The following PTPRN2 variants were observed in gnomAD, a reference collection of about 807,000 sequenced individuals.
PTPRN2 encodes receptor-type tyrosine-protein phosphatase N2.
PTPRN2 carries 74 observed loss-of-function variants against 118.8 expected under a neutral mutation model. The ratio of observed to expected loss-of-function variants is 0.62; its 90% CI spans 0.52 to 0.76. The LOEUF is 0.76. Among genes scored for constraint, PTPRN2 ranks in the 30% least tolerant of loss-of-function variants. PTPRN2 has a pLI of 0.00. For missense variants in PTPRN2, 1,481 were observed against 1,394.4 expected, an observed-to-expected ratio of 1.06 and a Z score of -0.99; for synonymous variants, 641 against 608.0, an observed-to-expected ratio of 1.05 and a Z score of -0.80.
chr7:158,174,117 CAATTTATGTTCA>C (rs1823967330), intron 5 of PTPRN2, among the ~76,000 whole-genome samples: 1 of 152,118 alleles, frequency 6.6e-6, no homozygotes, highest in Non-Finnish European at 1.5e-5. Context: ...GAAATCTTCA[CAATTTATGTTCA>C]GAGACTGCAG....
chr7:158,085,164 C>CCACA (rs1369083369), intron 10 of PTPRN2, among the ~76,000 whole-genome samples: 1 of 131,974 alleles, frequency 7.6e-6, no homozygotes, highest in Non-Finnish European at 1.6e-5. Flanking sequence ...CGACGCCCAT[C>CCACA]CAGATACCCA....
chr7:158,392,790 G>A (rs1160165951), intron 2 of PTPRN2, among the ~76,000 whole-genome samples: 1 of 152,178 alleles, frequency 6.6e-6, no homozygotes, highest in African/African-American at 2.4e-5. Context: ...CTGCGGACAG[G>A]ACCATCCTGC....
rs115543758 is a variant in PTPRN2 at position 157,582,351 on chromosome 7, C to A, written c.2497-4211G>T. Among the ~76,000 whole-genome samples the A allele has an allele frequency of 3.2e-3, 482 of 152,238 alleles. 3 individuals are homozygous for A. Among genetic ancestry groups the A allele is most frequent in the African/African-American group, 0.011 (460 of 41,524 alleles). On this transcript the variant is annotated intron_variant, in intron 17 of 22. Transcript: ENST00000389418. ...TAAAAATGGGCAAGGGATCTGAGCA[C>A]ACATTTCTCCAAAGAAGACAGACAA...
intron 12 of PTPRN2, among the ~76,000 whole-genome samples, chr7:157,891,746 C>G (rs563399569): frequency 1.1e-4 from 16 of 152,192 alleles, no homozygotes; most frequent in Non-Finnish European, 2.2e-4. Context: ...AAGCCTGGAC[C>G]TTGCTGAGCC....
At chr7:158,542,756 G>A (rs1031433261) in intron 1 of PTPRN2, among the ~76,000 whole-genome samples, 1 of 152,176 alleles carries the variant, frequency 6.6e-6, no homozygotes, top group African/African-American at 2.4e-5. Flanking sequence ...ACATTGATGT[G>A]GGTCAACAGC....
At chr7:157,871,000 C>T (rs1445915496) in intron 12 of PTPRN2, among the ~76,000 whole-genome samples, 1 of 152,224 alleles carries the variant, frequency 6.6e-6, no homozygotes, top group Non-Finnish European at 1.5e-5. Context: ...TGAAATGTCC[C>T]CGACCTGAAG....
chr7:157,642,802 G>A (rs530882248), intron 14 of PTPRN2, among the ~76,000 whole-genome samples: 1 of 60,408 alleles, frequency 1.7e-5, no homozygotes, highest in East Asian at 6.2e-4. Context: ...GGTCTACCAA[G>A]TCAAGAAACA....
chr7:158,046,811 A>G (rs1808913189), intron 11 of PTPRN2, among the ~76,000 whole-genome samples: 1 of 152,294 alleles, frequency 6.6e-6, no homozygotes, highest in African/African-American at 2.4e-5. Context: ...TTTCTCAGCA[A>G]TAATCCCTCA....
In PTPRN2 at chr7:158,565,374, T is replaced by C. The variant is rs1209962846; in HGVS notation, c.112+22184A>G. Among the ~76,000 whole-genome samples the C allele has an allele frequency of 6.6e-6, 1 of 152,126 alleles. No individual in the cohort carries two copies. Among genetic ancestry groups the C allele is most frequent in the Non-Finnish European group, 1.5e-5 (1 of 68,024 alleles). On this transcript the variant is annotated intron_variant, in intron 1 of 22. Transcript: ENST00000389418. The surrounding 1 kb of genome is among the most constrained non-coding windows in gnomAD (Gnocchi z 4.6). ...CAGGAACTTTGCAAATTACCTCTCA[T>C]CCTGAGAGGTGAGACAGAGCCAGCT...
intron 15 of PTPRN2, among the ~76,000 whole-genome samples, chr7:157,612,124 G>T (rs1802388763): frequency 6.6e-6 from 1 of 152,222 alleles, no homozygotes; most frequent in Non-Finnish European, 1.5e-5. Flanking sequence ...GGCTTCCCAT[G>T]CCCTGAGCAG....
Position 157,676,580 on chromosome 7 carries a change from G to A in PTPRN2, c.2001+6145C>T, listed in dbSNP as rs895766052. 2.6e-5 allele frequency among the ~76,000 whole-genome samples: 4 copies of A among 152,208 alleles called. No individual in the cohort carries two copies. Among genetic ancestry groups the A allele is most frequent in the Non-Finnish European group, 5.9e-5 (4 of 68,028 alleles). ...CCAGACCCACGGGACAGAAAAGCCC[G>A]GGCCAGCCCCTCAACACCCTGCAGT... On this transcript the variant is annotated intron_variant, in intron 13 of 22. Coordinates refer to ENST00000389418, the MANE Select transcript of PTPRN2 (RefSeq NM_002847.5). This position sits in a 1 kb window ranked among gnomAD's most constrained non-coding sequence, Gnocchi z 5.6.
chr7:158,098,236 C>T (rs1814812248), intron 10 of PTPRN2, among the ~76,000 whole-genome samples: 1 of 152,204 alleles, frequency 6.6e-6, no homozygotes, highest in African/African-American at 2.4e-5. Context: ...CTGGACGCAG[C>T]AAGAATCAGG....
chr7:158,326,668 GCACA>G (rs993176305), intron 2 of PTPRN2, among the ~76,000 whole-genome samples: 9 of 124,478 alleles, frequency 7.2e-5, no homozygotes, highest in Non-Finnish European at 1.3e-4. Context: ...ACTCTCACAT[GCACA>G]CACATGCACA....
At chr7:158,268,993 C>CCA (rs1218750008) in intron 3 of PTPRN2, among the ~76,000 whole-genome samples, 1 of 152,208 alleles carries the variant, frequency 6.6e-6, no homozygotes, top group African/African-American at 2.4e-5. Context: ...GCCTGAAAAT[C>CCA]GCAGCTTTTT....
At chr7:158,296,350 G>A (rs1217777342) in intron 3 of PTPRN2, among the ~76,000 whole-genome samples, 1 of 152,114 alleles carries the variant, frequency 6.6e-6, no homozygotes, top group Non-Finnish European at 1.5e-5. Flanking sequence ...CGACTCCAGG[G>A]GAAAACTGCC....
At position 157,874,969 on chromosome 7, in the gene PTPRN2, A is replaced by G. The variant is rs1795651412; in HGVS notation, c.1788+23704T>C. Among the ~76,000 whole-genome samples, 1 of 152,126 alleles carries G rather than the reference A, an allele frequency of 6.6e-6. No individual in the cohort carries two copies. The highest frequency in any genetic ancestry group is 1.5e-5 in the Non-Finnish European group (1 of 68,028). On this transcript the variant is annotated intron_variant, in intron 12 of 22. Coordinates refer to ENST00000389418, the MANE Select transcript of PTPRN2 (RefSeq NM_002847.5). The surrounding 1 kb of genome is among the most constrained non-coding windows in gnomAD (Gnocchi z 5.8). ...CGGAGACACACTTGTGCACATACAC[A>G]GAGACACAGGCACACACAGGCAGAC...
intron 10 of PTPRN2, among the ~76,000 whole-genome samples, chr7:158,104,009 C>T (rs894740307): frequency 2.6e-5 from 4 of 151,946 alleles, no homozygotes; most frequent in Non-Finnish European, 4.4e-5. Flanking sequence ...TTACAGGCAC[C>T]TGCCACCATG....
chr7:158,138,953 C>G (rs1458773551), intron 6 of PTPRN2, among the ~76,000 whole-genome samples: 1 of 135,016 alleles, frequency 7.4e-6, no homozygotes, highest in African/African-American at 3.9e-5. Context: ...CCAGGACACC[C>G]TGCCCAGCAC....
At chr7:158,053,502 A>G (rs1809489785) in intron 11 of PTPRN2, among the ~76,000 whole-genome samples, 1 of 152,240 alleles carries the variant, frequency 6.6e-6, no homozygotes, top group Non-Finnish European at 1.5e-5. Context: ...TTAGCTTCTG[A>G]TATTATGGGA....
Sources: gnomAD v4.1 joint callset for allele counts (sites outside exome capture counted in the v4.1 genomes callset) on GRCh38, gnomAD v4.1.1 for gene constraint, Gnocchi (gnomAD v3.1) non-coding constraint, MANE v1.5 for transcripts, NCBI Gene and HGNC (gene_info 2026-07-23, HGNC 2026-07-21) for gene names.